The following MXRA8 variants were observed in gnomAD, a reference collection of about 807,000 sequenced individuals.
The protein encoded by MXRA8 is matrix remodeling-associated protein 8.
A neutral mutation model predicts 51.4 loss-of-function variants in MXRA8; 44 were observed. That is an observed-to-expected ratio of 0.86 (90% CI 0.67 to 1.10). The LOEUF is 1.10. MXRA8 is among the 50% of genes least tolerant of loss of function. The probability of loss-of-function intolerance (pLI) is 0.00; values close to 1 mark genes in which losing one functional copy is unlikely to be tolerated. For synonymous variants in MXRA8, 369 were observed against 293.5 expected, an observed-to-expected ratio of 1.26 and a Z score of -2.63; for missense variants, 765 against 638.9, an observed-to-expected ratio of 1.20 and a Z score of -2.13.
Position 1,355,278 on chromosome 1 carries a change from C to G in MXRA8, c.444G>C (p.Glu148Asp), listed in dbSNP as rs1557683159. 6.3e-7 allele frequency: 1 copy of G among 1,576,508 alleles called. No individual in the cohort carries two copies. The highest frequency in any genetic ancestry group is 2.2e-4 in the Middle Eastern group (1 of 4,606). ...NLHHHYCHLY[E>D]SLAVRLEVTD... is the part of the protein sequence containing the mutation. ...TGACCTCCAGGCGGACGGCCAGGCTCTCGTAGAGGTGGCAGTAGTGATGGT... is the reference window on the plus strand; with the variant it reads ...TGACCTCCAGGCGGACGGCCAGGCTGTCGTAGAGGTGGCAGTAGTGATGGT... Residue 148 changes from glutamate to aspartate, a missense_variant, in exon 4 of 10, where the codon GAG (glutamate) becomes GAC (aspartate). Coordinates refer to ENST00000309212, the MANE Select transcript of MXRA8 (RefSeq NM_032348.4).
At chr1:1,354,647 C>A in intron 5 of MXRA8, 35 bp downstream of exon 5, 7 of 1,538,626 alleles carry the variant, frequency 4.5e-6, no homozygotes, top group Non-Finnish European at 6.1e-6. Context: ...GGGGTGGGCT[C>A]CCGCCTTCCC....
At chr1:1,359,456 C>A (rs1644192344), upstream of MXRA8, 4 of 985,294 alleles carry the variant, frequency 4.1e-6, no homozygotes, top group Non-Finnish European at 4.8e-6. Flanking sequence ...CAAGAAAAAA[C>A]AATCTGAACA....
chr1:1,355,609 G>A lies in MXRA8; in HGVS notation c.217C>T (p.Leu73Phe). Residue 73 changes from leucine to phenylalanine, a missense_variant, in exon 3 of 10, where the codon CTC becomes TTC. Physicochemically the swap from Leu to Phe is conservative, Grantham distance 22 (BLOSUM62 0). Transcript: ENST00000309212. ...QDRLHDRQRV[L>F]HWDLRGPGGG... ...CCGGGGCCGCGCAGGTCCCAGTGGA[G>A]CACGCGCTGGCGGTCGTGCAGCCGG... is the stretch of plus-strand genomic sequence containing the variant. The A allele has an allele frequency of 1.4e-6, 2 of 1,469,168 alleles. No homozygotes were observed. The highest frequency in any genetic ancestry group is 1.8e-6 in the Non-Finnish European group (2 of 1,116,694). 91.0% of individuals were successfully genotyped at this position (1,469,168 alleles called of 1,614,324 possible). A position where few individuals can be genotyped will look rare whatever the true frequency, so the allele number is the denominator to read the frequency against.
At position 1,354,088 on chromosome 1, in the gene MXRA8, C is replaced by T. The variant is rs374449046; in HGVS notation, c.1164G>A (p.Ala388=). The stretch of plus-strand genomic sequence containing the variant: ...GGTCCCCTGCAGCCACAGCGAACTC[C>T]GCCAAGTTAACATCCTTCCTGGATG... ...GKSKGKDVNL[A]EFAVAAGDQM... The change falls in exon 8 of 10, where the codon GCG becomes GCA. Residue 388 remains alanine, a synonymous_variant. Coordinates refer to ENST00000309212, the MANE Select transcript of MXRA8 (RefSeq NM_032348.4). The T allele has an allele frequency of 1.2e-4, 195 of 1,612,852 alleles. No homozygotes were observed. The Middle Eastern group carries it at 1.3e-3, about 11-fold the overall frequency.
intron 1 of MXRA8, 133 bp downstream of exon 1, chr1:1,358,323 C>G: frequency 9.5e-7 from 1 of 1,054,054 alleles, no homozygotes; most frequent in Non-Finnish European, 1.3e-6. Flanking sequence ...CGAGCGCCCC[C>G]AGACCCGTCC....
Position 1,354,682 on chromosome 1 carries a change from C to G in MXRA8, c.949G>C (p.Asp317His). The change falls in exon 5 of 10, where the codon GAC becomes CAC. Residue 317 changes from aspartate (D) to histidine (H), a missense_variant and splice_region_variant. Physicochemically the swap from Asp to His is moderately conservative, Grantham distance 81 (BLOSUM62 -1). Transcript: ENST00000309212. ...GSSHSGAPGP[D>H]PTLARGHNVI... ...CGGGTCCCAGGGAGGCCTCCTTCAC[C>G]TGGGCCTGGGGCGCCGCTGTGGCTG... 5 of 1,570,134 alleles carry G rather than the reference C, an allele frequency of 3.2e-6. No homozygotes were observed. Among genetic ancestry groups the G allele is most frequent in the Non-Finnish European group, 4.3e-6 (5 of 1,159,450 alleles).
At position 1,355,771 on chromosome 1, in the gene MXRA8, C is replaced by T; in HGVS notation, c.74-19G>A. The T allele has an allele frequency of 2.0e-6, 1 of 491,204 alleles. No homozygotes were observed. Among genetic ancestry groups the T allele is most frequent in the Non-Finnish European group, 2.4e-6 (1 of 413,174 alleles). The allele number at this position is 491,204 out of a possible 1,614,324, so 30.4% of individuals were successfully genotyped here. The stretch of plus-strand genomic sequence containing the variant: ...GAGGACCCTGGTGGGGGAGGGGAGT[C>T]GGTGGGGGAAGGGGTGGGCCCCCTA... On this transcript the variant is annotated intron_variant, in intron 2 of 9. Coordinates refer to ENST00000309212, the MANE Select transcript of MXRA8 (RefSeq NM_032348.4).
Position 1,353,463 on chromosome 1 carries a change from T to G in MXRA8, c.*141A>C. The G allele has an allele frequency of 6.7e-7, 1 of 1,502,556 alleles. No individual in the cohort carries two copies. Among genetic ancestry groups the G allele is most frequent in the Non-Finnish European group, 8.9e-7 (1 of 1,122,990 alleles). 93.1% of individuals were successfully genotyped at this position (1,502,556 alleles called of 1,614,324 possible). ...CTGGGAGAGGGGTGTGGAGGCGGCCTCTGCATACGCCCAGGCCAAATTCCA... is the reference window on the plus strand; with the variant it reads ...CTGGGAGAGGGGTGTGGAGGCGGCCGCTGCATACGCCCAGGCCAAATTCCA... On this transcript the variant is annotated 3_prime_UTR_variant, in exon 10 of 10. Coordinates refer to ENST00000309212, the MANE Select transcript of MXRA8 (RefSeq NM_032348.4).
Position 1,355,590 on chromosome 1 carries a change from C to T in MXRA8, c.236G>A (p.Gly79Asp), listed in dbSNP as rs1232624375. The change falls in exon 3 of 10, where the codon GGC becomes GAC. Residue 79 changes from glycine to aspartate, a missense_variant. Gly to Asp is a moderately conservative substitution (Grantham distance 94). Coordinates refer to ENST00000309212, the MANE Select transcript of MXRA8 (RefSeq NM_032348.4). ...GCGCCGCGCGGGGCCACCCCCGGGGCCGCGCAGGTCCCAGTGGAGCACGCG... is the reference window on the plus strand; with the variant it reads ...GCGCCGCGCGGGGCCACCCCCGGGGTCGCGCAGGTCCCAGTGGAGCACGCG... Reference protein sequence around the residue: ...RQRVLHWDLRGPGGGPARRLL... With the variant: ...RQRVLHWDLRDPGGGPARRLL... 8.8e-6 allele frequency: 13 copies of T among 1,477,172 alleles called. No individual in the cohort carries two copies. Among genetic ancestry groups the T allele is most frequent in the Non-Finnish European group, 1.2e-5 (13 of 1,121,480 alleles). The allele number at this position is 1,477,172 out of a possible 1,614,324, so 91.5% of individuals were successfully genotyped here.
chr1:1,356,633 G>A, intron 2 of MXRA8, 48 bp downstream of exon 2: 1 of 1,285,690 alleles, frequency 7.8e-7, no homozygotes. Context: ...CAAGATAGGA[G>A]GGGCTGAGGG....
rs541710467 is a variant in MXRA8 at position 1,354,545 on chromosome 1, C to A, written c.950-36G>T. ...CGCGGGGTCGGGGCGGCGTCAGGTA[C>A]CAGCAAGACCTGCGCCCCGACCCGG... On this transcript the variant is annotated intron_variant, in intron 5 of 9. Transcript: ENST00000309212. 8.7e-5 allele frequency: 140 copies of A among 1,601,364 alleles called. 1 individual carries two copies. The South Asian group carries it at 1.4e-3, about 16-fold the overall frequency.
At chr1:1,359,790 G>C (rs531312661), upstream of MXRA8, among the ~76,000 whole-genome samples, 1 of 152,204 alleles carries the variant, frequency 6.6e-6, no homozygotes, top group African/African-American at 2.4e-5. Flanking sequence ...TTCCAAACTG[G>C]CTTCAGGGCT....
upstream of MXRA8, chr1:1,359,080 TG>T (rs1644187154): frequency 3.0e-6 from 3 of 985,438 alleles, no homozygotes; most frequent in Non-Finnish European, 3.6e-6. Flanking sequence ...CCGTCTCCTC[TG>T]GGGGCCACGG....
In MXRA8 at chr1:1,353,041, G is replaced by GAAC. The variant is rs765144467; in HGVS notation, c.*560_*562dup. On this transcript the variant is annotated 3_prime_UTR_variant, in exon 10 of 10. Transcript: ENST00000309212. ...ATTCAAGTCAGCAGGTCCCTGGGGA[G>GAAC]AACAGATGGTGCCTGGAGTCCCACA... The GAAC allele has an allele frequency of 9.7e-5, 57 of 586,270 alleles. No homozygotes were observed. Among genetic ancestry groups the GAAC allele is most frequent in the Non-Finnish European group, 1.4e-4 (48 of 331,194 alleles). 36.3% of individuals were successfully genotyped at this position (586,270 alleles called of 1,614,324 possible).
In MXRA8 at chr1:1,354,662, C is replaced by T. The variant is rs778869249; in HGVS notation, c.949+20G>A. ...GGGGTGGGCTCCCGCCTTCCCGGGT[C>T]CCAGGGAGGCCTCCTTCACCTGGGC... On this transcript the variant is annotated intron_variant, in intron 5 of 9. Transcript: ENST00000309212. The T allele has an allele frequency of 3.2e-6, 5 of 1,550,238 alleles. No homozygotes were observed. The highest frequency in any genetic ancestry group is 2.4e-5 in the South Asian group (2 of 83,688).
chr1:1,361,038 G>A (rs1051199554), upstream of MXRA8, among the ~76,000 whole-genome samples: 1 of 150,588 alleles, frequency 6.6e-6, no homozygotes, highest in African/African-American at 2.5e-5. Flanking sequence ...GCATGCACAT[G>A]AAGACACGGA....
intron 1 of MXRA8, among the ~76,000 whole-genome samples, chr1:1,357,882 G>C (rs1290516760): frequency 1.3e-5 from 2 of 152,192 alleles, no homozygotes; most frequent in African/African-American, 4.8e-5. Flanking sequence ...GGGGGTCCCT[G>C]TCTCTCTCCA....
chr1:1,359,380 TAAAC>T, upstream of MXRA8: 1 of 985,400 alleles, frequency 1.0e-6, no homozygotes, highest in Non-Finnish European at 1.2e-6. Flanking sequence ...CAAAGTCACA[TAAAC>T]AAATGCGAAA....
chr1:1,355,442 C>A lies in MXRA8; in HGVS notation c.376+8G>T. ...CGACCCCGCGGCCCCGGTCCCCGGT[C>A]CCCGCACCGCGGATGAGCAGCGAGA... On this transcript the variant is annotated splice_region_variant and intron_variant, in intron 3 of 9. Transcript: ENST00000309212. The A allele has an allele frequency of 6.7e-7, 1 of 1,491,316 alleles. No homozygotes were observed. The highest frequency in any genetic ancestry group is 8.8e-7 in the Non-Finnish European group (1 of 1,129,966). The allele number at this position is 1,491,316 out of a possible 1,614,324, so 92.4% of individuals were successfully genotyped here.
Sources: gnomAD v4.1 joint callset for allele counts (sites outside exome capture counted in the v4.1 genomes callset) on GRCh38, gnomAD v4.1.1 for gene constraint, MANE v1.5 for transcripts, NCBI Gene and HGNC (gene_info 2026-07-23, HGNC 2026-07-21) for gene names.